C10orf90: variants seen among roughly 807,000 people sequenced by gnomAD.
C10orf90 encodes (E2-independent) E3 ubiquitin-conjugating enzyme FATS.
C10orf90 carries 56 observed loss-of-function variants against 62.5 expected under a neutral mutation model. The observed-to-expected ratio is 0.90, with a 90% CI of 0.72 to 1.12. The LOEUF (loss-of-function observed/expected upper bound fraction) is 1.12, where lower values mean the gene tolerates loss of function less well. Ranked by LOEUF, C10orf90 falls within the 50% of genes most tolerant of loss-of-function variation. The pLI, the probability that C10orf90 is intolerant of heterozygous loss-of-function variation, is 0.00. For missense variants in C10orf90, 970 were observed against 880.4 expected, an observed-to-expected ratio of 1.10 and a Z score of -1.29; for synonymous variants, 386 against 340.4, an observed-to-expected ratio of 1.13 and a Z score of -1.47.
chr10:126,492,202 G>A (rs1030761921), intron 4 of C10orf90, among the ~76,000 whole-genome samples: 7 of 152,164 alleles, frequency 4.6e-5, no homozygotes, highest in African/African-American at 1.7e-4. Flanking sequence ...TTGCTCCCTG[G>A]GGAACATTTG....
chr10:126,461,657 G>C, intron 5 of C10orf90, 72 bp from the exon 6 acceptor site: 11 of 1,381,726 alleles, frequency 8.0e-6, no homozygotes, highest in Non-Finnish European at 3.9e-6. Context: ...AATACCATTA[G>C]ACACAGAAGA....
intron 2 of C10orf90, among the ~76,000 whole-genome samples, chr10:126,552,432 C>T (rs961211636): frequency 9.2e-5 from 14 of 152,322 alleles, no homozygotes; most frequent in African/African-American, 3.1e-4. Flanking sequence ...AACCTCCCTC[C>T]ACAACACCTG....
chr10:126,555,470 T>C (rs1045539471), intron 2 of C10orf90, among the ~76,000 whole-genome samples: 1 of 151,604 alleles, frequency 6.6e-6, no homozygotes, highest in Admixed American at 6.6e-5. Flanking sequence ...GGTCATGAGT[T>C]TGAGACTAGC....
At chr10:126,633,136 T>C (rs950525640) in intron 2 of C10orf90, among the ~76,000 whole-genome samples, 3 of 152,160 alleles carry the variant, frequency 2.0e-5, no homozygotes, top group African/African-American at 4.8e-5. Context: ...CTGCCAATCA[T>C]GTGATAAAAC....
intron 2 of C10orf90, among the ~76,000 whole-genome samples, chr10:126,565,334 T>A (rs1400403196): frequency 2.2e-5 from 1 of 44,530 alleles, no homozygotes; most frequent in African/African-American, 1.2e-4. Context: ...TATATTTATA[T>A]TATATATAAT....
intron 2 of C10orf90, among the ~76,000 whole-genome samples, chr10:126,645,927 C>A (rs1031541487): frequency 6.6e-6 from 1 of 152,084 alleles, no homozygotes; most frequent in African/African-American, 2.4e-5. Context: ...AAAATTGTGA[C>A]ATTAAAACAT....
At chr10:126,604,948 C>CT (rs1340509483) in intron 2 of C10orf90, among the ~76,000 whole-genome samples, 12 of 152,194 alleles carry the variant, frequency 7.9e-5, no homozygotes, top group Non-Finnish European at 1.5e-4. Flanking sequence ...CCACCATGCT[C>CT]TTTTGATCCC....
At chr10:126,482,225 G>A (rs969519128) in intron 4 of C10orf90, among the ~76,000 whole-genome samples, 13 of 152,146 alleles carry the variant, frequency 8.5e-5, no homozygotes, top group African/African-American at 2.9e-4. Flanking sequence ...TTGTTATAGG[G>A]GTATCAGTCC....
At chr10:126,580,569 C>T (rs1386091071) in intron 2 of C10orf90, among the ~76,000 whole-genome samples, 2 of 150,668 alleles carry the variant, frequency 1.3e-5, no homozygotes, top group Admixed American at 6.6e-5. Context: ...AGGAGAATGG[C>T]GTGAACCTGG....
chr10:126,512,648 C>T (rs1166353761), intron 3 of C10orf90, among the ~76,000 whole-genome samples: 1 of 152,076 alleles, frequency 6.6e-6, no homozygotes, highest in Non-Finnish European at 1.5e-5. Context: ...TCTCTCTCCT[C>T]CTAACTGGCA....
At chr10:126,587,951 AG>A (rs1218517718) in intron 2 of C10orf90, among the ~76,000 whole-genome samples, 1 of 152,194 alleles carries the variant, frequency 6.6e-6, no homozygotes, top group Non-Finnish European at 1.5e-5. Flanking sequence ...TCCCTTAGGA[AG>A]GGGGCTGAAT....
chr10:126,523,872 G>T (rs1174837200), intron 2 of C10orf90, among the ~76,000 whole-genome samples: 1 of 152,022 alleles, frequency 6.6e-6, no homozygotes, highest in Non-Finnish European at 1.5e-5. Flanking sequence ...TGTCTTCAGG[G>T]TTCATCCGTG....
intron 2 of C10orf90, among the ~76,000 whole-genome samples, chr10:126,582,638 T>A (rs921137863): frequency 6.6e-6 from 1 of 152,178 alleles, no homozygotes; most frequent in Non-Finnish European, 1.5e-5. Context: ...TATATAACAA[T>A]GTAAATACGA....
chr10:126,447,565 A>G (rs1858865335), intron 7 of C10orf90, among the ~76,000 whole-genome samples: 1 of 152,174 alleles, frequency 6.6e-6, no homozygotes, highest in Non-Finnish European at 1.5e-5. Context: ...GGAGAGAGAG[A>G]TAACAATACA....
At chr10:126,600,193 C>T (rs898121594) in intron 2 of C10orf90, among the ~76,000 whole-genome samples, 2 of 152,114 alleles carry the variant, frequency 1.3e-5, no homozygotes, top group African/African-American at 4.8e-5. Flanking sequence ...GTGTGTGCAT[C>T]GCATGTGTGT....
chr10:126,627,113 C>A (rs1347951768), intron 2 of C10orf90, among the ~76,000 whole-genome samples: 1 of 151,504 alleles, frequency 6.6e-6, no homozygotes, highest in Non-Finnish European at 1.5e-5. Flanking sequence ...GCTTCTCCTG[C>A]CTCAGCCTCC....
At chr10:126,571,691 G>T (rs1844509906) in intron 2 of C10orf90, among the ~76,000 whole-genome samples, 1 of 152,130 alleles carries the variant, frequency 6.6e-6, no homozygotes, top group Admixed American at 6.5e-5. Flanking sequence ...GAGGGGGAAG[G>T]TAGACCACCC....
chr10:126,607,563 C>T (rs1016902912), intron 2 of C10orf90, among the ~76,000 whole-genome samples: 2 of 152,156 alleles, frequency 1.3e-5, no homozygotes, highest in African/African-American at 4.8e-5. Context: ...CTTCTGCGTG[C>T]CTCCTTTATC....
At chr10:126,544,167 CA>C (rs1304643666) in intron 2 of C10orf90, among the ~76,000 whole-genome samples, 1 of 152,192 alleles carries the variant, frequency 6.6e-6, no homozygotes, top group Non-Finnish European at 1.5e-5. Flanking sequence ...TGGGACCAAC[CA>C]AAGACTTTTC....
Sources: allele counts gnomAD v4.1 joint callset (sites outside exome capture counted in the v4.1 genomes callset), GRCh38; gene constraint gnomAD v4.1.1; transcripts MANE v1.5; gene names NCBI Gene and HGNC (gene_info 2026-07-23, HGNC 2026-07-21).